Variants in OTUD7A observed in about 807,000 individuals in gnomAD.
OTUD7A encodes OTU deubiquitinase 7A, also known as OTU domain-containing protein 7A.
Under a neutral mutation model 65.7 loss-of-function variants are expected in OTUD7A, and 12 were observed. The observed-to-expected ratio is 0.18, with a 90% CI of 0.12 to 0.30. The LOEUF (loss-of-function observed/expected upper bound fraction) is 0.30, where lower values mean the gene tolerates loss of function less well. OTUD7A is among the 10% of genes least tolerant of loss of function. OTUD7A has a pLI of 1.00. For synonymous variants in OTUD7A, 641 were observed against 586.3 expected, an observed-to-expected ratio of 1.09 and a Z score of -1.35; for missense variants, 1,148 against 1,304.8, an observed-to-expected ratio of 0.88 and a Z score of 1.85.
rs2041160819 is a variant in OTUD7A, at chr15:31,483,252, C to T, written c.*42G>A. ...GACACCGACACAATGGAAAAGAAAT[C>T]CTCGAAGGTAGAACCTCGCCGCCCG... On this transcript the variant is annotated 3_prime_UTR_variant, in exon 13 of 13. Transcript: ENST00000307050. The T allele has an allele frequency of 4.7e-6, 5 of 1,066,452 alleles. No homozygotes were observed. Among genetic ancestry groups the T allele is most frequent in the Non-Finnish European group, 5.7e-6 (5 of 883,836 alleles). 66.1% of individuals were successfully genotyped at this position (1,066,452 alleles called of 1,614,324 possible).
chr15:31,718,348 A>ACTTT (rs4041934), intron 1 of OTUD7A, among the ~76,000 whole-genome samples: 2 of 152,166 alleles, frequency 1.3e-5, no homozygotes, highest in Non-Finnish European at 2.9e-5. Context: ...TCAAATGGTG[A>ACTTT]CTATTTCCTT....
At chr15:31,647,812 T>C (rs1412512474) in intron 3 of OTUD7A, among the ~76,000 whole-genome samples, 2 of 151,962 alleles carry the variant, frequency 1.3e-5, no homozygotes, top group African/African-American at 4.8e-5. Flanking sequence ...CCTTGTATGG[T>C]CCTTGCTGTC....
chr15:31,791,827 C>T (rs532837644), intron 1 of OTUD7A, among the ~76,000 whole-genome samples: 24 of 152,280 alleles, frequency 1.6e-4, no homozygotes, highest in African/African-American at 5.8e-4. Context: ...GCTCCTCAGA[C>T]CCTGTTGACA....
intron 1 of OTUD7A, among the ~76,000 whole-genome samples, chr15:31,813,166 A>G (rs1896463485): frequency 6.6e-6 from 1 of 152,222 alleles, no homozygotes; most frequent in South Asian, 2.1e-4. Context: ...AGTTCCATTC[A>G]GCAGGTAATG....
At chr15:31,803,755 G>T (rs1896195477) in intron 1 of OTUD7A, among the ~76,000 whole-genome samples, 1 of 152,202 alleles carries the variant, frequency 6.6e-6, no homozygotes, top group Non-Finnish European at 1.5e-5. Flanking sequence ...CCATCTGAGA[G>T]CAACGCTTTA....
At chr15:31,558,704 C>CTTT in intron 5 of OTUD7A, 3 of 559,412 alleles carry the variant, frequency 5.4e-6, no homozygotes, top group Non-Finnish European at 9.5e-6. Flanking sequence ...TAGAGTTCTC[C>CTTT]TTAAAGGAGG....
At chr15:31,699,185 T>C (rs1893155180) in intron 1 of OTUD7A, among the ~76,000 whole-genome samples, 1 of 151,160 alleles carries the variant, frequency 6.6e-6, no homozygotes, top group Admixed American at 6.6e-5. Flanking sequence ...GTTCATGCCA[T>C]TCTCCTGCCT....
intron 1 of OTUD7A, among the ~76,000 whole-genome samples, chr15:31,808,519 G>C (rs1286491212): frequency 1.3e-5 from 2 of 152,018 alleles, no homozygotes; most frequent in African/African-American, 4.8e-5. Context: ...CCTCCTTTTG[G>C]GTCAGCCCTG....
At chr15:31,670,943 C>T (rs915832139) in intron 1 of OTUD7A, among the ~76,000 whole-genome samples, 85 of 151,622 alleles carry the variant, frequency 5.6e-4, no homozygotes, top group African/African-American at 1.4e-3. Context: ...TGCAGTGAGC[C>T]GAGATTGCAC....
At chr15:31,815,081 C>T (rs1244704103) in intron 1 of OTUD7A, among the ~76,000 whole-genome samples, 1 of 152,154 alleles carries the variant, frequency 6.6e-6, no homozygotes, top group Non-Finnish European at 1.5e-5. Context: ...GGTTCCCTGT[C>T]TCTGAACAGA....
At chr15:31,657,471 C>T (rs900349242) in intron 1 of OTUD7A, among the ~76,000 whole-genome samples, 2 of 151,914 alleles carry the variant, frequency 1.3e-5, no homozygotes, top group African/African-American at 4.8e-5. Flanking sequence ...ATCCTCCTTG[C>T]CTCAGCCTCC....
intron 4 of OTUD7A, among the ~76,000 whole-genome samples, chr15:31,564,575 T>C (rs1888805036): frequency 6.6e-6 from 1 of 152,050 alleles, no homozygotes; most frequent in African/African-American, 2.4e-5. Context: ...GTTAAGTTTT[T>C]AAAAATAATA....
rs535468222 is a variant in OTUD7A, at chr15:31,726,115, C to T, written c.-99-69038G>A. Among the ~76,000 whole-genome samples the T allele has an allele frequency of 2.4e-3, 357 of 151,552 alleles. 1 individual carries two copies. The highest frequency in any genetic ancestry group is 4.4e-3 in the Non-Finnish European group (298 of 67,972). ...ATGAATATTCAAGCGCCCAAGACTC[C>T]GTGTTGAGCTCCTTTTTCTTCTCTG... is the stretch of plus-strand genomic sequence containing the variant. On this transcript the variant is annotated intron_variant, in intron 1 of 12. Coordinates refer to ENST00000307050, the MANE Select transcript of OTUD7A (RefSeq NM_001382637.1).
At chr15:31,777,311 C>T (rs1346813211) in intron 1 of OTUD7A, among the ~76,000 whole-genome samples, 1 of 152,234 alleles carries the variant, frequency 6.6e-6, no homozygotes, top group African/African-American at 2.4e-5. Context: ...AATCCCATCA[C>T]CTTGGGGGTT....
At chr15:31,833,739 G>A (rs184756608) in intron 1 of OTUD7A, among the ~76,000 whole-genome samples, 3 of 152,282 alleles carry the variant, frequency 2.0e-5, no homozygotes, top group East Asian at 3.9e-4. Context: ...AGCAGTTATC[G>A]AATTCCTCAC....
At chr15:31,723,782 A>G (rs1002448273) in intron 1 of OTUD7A, among the ~76,000 whole-genome samples, 4 of 58,150 alleles carry the variant, frequency 6.9e-5, no homozygotes, top group Non-Finnish European at 1.4e-4. Flanking sequence ...GTTGCTGTAG[A>G]AAAAAAATCC....
intron 1 of OTUD7A, among the ~76,000 whole-genome samples, chr15:31,734,943 A>G (rs1379557521): frequency 1.3e-5 from 2 of 152,126 alleles, no homozygotes; most frequent in Non-Finnish European, 2.9e-5. Flanking sequence ...CAAAAGAAAC[A>G]CCAACAGAGT....
At position 31,583,483 on chromosome 15, in the gene OTUD7A, G is replaced by A. The variant is rs115597771; in HGVS notation, c.152-13286C>T. ...ATTGTAGCTCCCATAATTCCCGTAC[G>A]TTGTAGGAAGGAGCCAGTGGGAGAC... On this transcript the variant is annotated intron_variant, in intron 3 of 12. Transcript: ENST00000307050. Among the ~76,000 whole-genome samples, 1,457 of 152,154 alleles carry A rather than the reference G, an allele frequency of 9.6e-3. 18 individuals carry two copies. The highest frequency in any genetic ancestry group is 0.033 in the African/African-American group (1,382 of 41,518).
intron 1 of OTUD7A, among the ~76,000 whole-genome samples, chr15:31,758,969 C>T (rs891105375): frequency 6.6e-6 from 1 of 152,158 alleles, no homozygotes; most frequent in African/African-American, 2.4e-5. Flanking sequence ...CCTGCCCCCT[C>T]CAGGGTTTAG....
Sources: allele counts gnomAD v4.1 joint callset (sites outside exome capture counted in the v4.1 genomes callset), GRCh38; gene constraint gnomAD v4.1.1; transcripts MANE v1.5; gene names NCBI Gene and HGNC (gene_info 2026-07-23, HGNC 2026-07-21).